KIAA0930: variants seen among roughly 807,000 people sequenced by gnomAD.
KIAA0930 encodes uncharacterized protein KIAA0930.
Under a neutral mutation model 43.9 loss-of-function variants are expected in KIAA0930, and 24 were observed. The ratio of observed to expected loss-of-function variants is 0.55; its 90% CI spans 0.40 to 0.77. The LOEUF is 0.77. Among genes scored for constraint, KIAA0930 ranks in the 30% least tolerant of loss-of-function variants. The pLI is 0.00. For missense variants in KIAA0930, 461 were observed against 574.2 expected (o/e 0.80, Z 2.02); for synonymous variants, 259 against 216.4 (o/e 1.20, Z -1.73).
chr22:45,205,971 CCTGA>C, intron 2 of KIAA0930, 59 bp from the exon 3 acceptor site: 1 of 1,597,110 alleles, frequency 6.3e-7, no homozygotes. Flanking sequence ...CTTCTTCTTC[CCTGA>C]CTACTATGCA....
In KIAA0930 at chr22:45,225,427, T is replaced by C. The variant is rs1245731236; in HGVS notation, c.65-13320A>G. ...TTGCGTGCCTAAAACCCCTGCCTGG[T>C]TTCACATCTTCCTTTGGAAGAAGTC... On this transcript the variant is annotated intron_variant, in intron 1 of 9. Coordinates refer to ENST00000336156, the MANE Select transcript of KIAA0930 (RefSeq NM_001009880.2). Among the ~76,000 whole-genome samples the C allele has an allele frequency of 2.6e-5, 4 of 152,194 alleles. No individual in the cohort carries two copies. In the East Asian group the frequency reaches 7.7e-4, roughly 29 times the overall value.
At position 45,218,227 on chromosome 22, in the gene KIAA0930, G is replaced by A. The variant is rs182729332; in HGVS notation, c.65-6120C>T. 8.0e-4 allele frequency among the ~76,000 whole-genome samples: 122 copies of A among 151,886 alleles called. 1 individual carries two copies. In the East Asian group the frequency reaches 0.017, roughly 21 times the overall value. On this transcript the variant is annotated intron_variant, in intron 1 of 9. Coordinates refer to ENST00000336156, the MANE Select transcript of KIAA0930 (RefSeq NM_001009880.2). ...GGCTGGAGTGCAATGGCACGATCTC[G>A]GCTCACTGCAACCTCAGCCTCCCAG...
intron 5 of KIAA0930, among the ~76,000 whole-genome samples, chr22:45,204,550 T>A (rs529233549): frequency 6.6e-6 from 1 of 152,268 alleles, no homozygotes; most frequent in South Asian, 2.1e-4. Context: ...GGACATGACC[T>A]CCCTGAGCCT....
chr22:45,225,836 G>A (rs1437103187), intron 1 of KIAA0930, among the ~76,000 whole-genome samples: 1 of 152,240 alleles, frequency 6.6e-6, no homozygotes, highest in Non-Finnish European at 1.5e-5. Context: ...CAAAGATCCT[G>A]AGAGGTAAGA....
In KIAA0930 at chr22:45,205,918, A is replaced by G. The variant is rs756648202; in HGVS notation, c.217-6T>C. The G allele has an allele frequency of 1.9e-6, 3 of 1,612,534 alleles. No homozygotes were observed. Among genetic ancestry groups the G allele is most frequent in the Middle Eastern group, 1.7e-4 (1 of 6,058 alleles). On this transcript the variant is annotated splice_polypyrimidine_tract_variant and splice_region_variant and intron_variant, in intron 2 of 9. Coordinates refer to ENST00000336156, the MANE Select transcript of KIAA0930 (RefSeq NM_001009880.2). ...TCCACCTCAGGCTCAGCTGCCTGCG[A>G]GGCCCAGAGCAGAAGTGAGTGCCCA...
At chr22:45,210,700 C>G (rs1210515839) in intron 2 of KIAA0930, among the ~76,000 whole-genome samples, 2 of 152,194 alleles carry the variant, frequency 1.3e-5, no homozygotes, top group East Asian at 3.8e-4. Flanking sequence ...GGTTCTTACT[C>G]GGGGATCCCA....
chr22:45,224,646 T>A (rs1267746900), intron 1 of KIAA0930, among the ~76,000 whole-genome samples: 1 of 152,064 alleles, frequency 6.6e-6, no homozygotes, highest in Non-Finnish European at 1.5e-5. Context: ...CAGACAGAAG[T>A]GAGATGGTAG....
At chr22:45,225,881 G>T (rs1330474972) in intron 1 of KIAA0930, among the ~76,000 whole-genome samples, 1 of 152,234 alleles carries the variant, frequency 6.6e-6, no homozygotes, top group Non-Finnish European at 1.5e-5. Context: ...AGGAACTTGG[G>T]GCTCAAGGCC....
At chr22:45,207,415 T>C (rs9614617) in intron 2 of KIAA0930, among the ~76,000 whole-genome samples, 3,133 of 151,338 alleles carry the variant, frequency 0.021, 42 homozygotes, top group Non-Finnish European at 0.034. Flanking sequence ...CTCTACCTCC[T>C]GGGTTCACGT....
chr22:45,205,382 C>T (rs776132711), intron 4 of KIAA0930, 64 bp from the exon 5 acceptor site: 8 of 1,454,630 alleles, frequency 5.5e-6, no homozygotes, highest in Admixed American at 3.4e-5. Flanking sequence ...CAGAGCCAGT[C>T]CAAGCCAGTA....
At chr22:45,210,249 TGA>T (rs60965853) in intron 2 of KIAA0930, among the ~76,000 whole-genome samples, 3,083 of 152,226 alleles carry the variant, frequency 0.02, 122 homozygotes, top group East Asian at 0.19. Context: ...CAGCAGAAGC[TGA>T]GAGGCCACAG....
At chr22:45,203,251 G>T in intron 6 of KIAA0930, 67 bp from the exon 7 acceptor site, 2 of 1,461,588 alleles carry the variant, frequency 1.4e-6, no homozygotes, top group South Asian at 1.3e-5. Context: ...CCCTCCCCAG[G>T]ACATGAACAG....
At chr22:45,218,630 G>A (rs2083748258) in intron 1 of KIAA0930, among the ~76,000 whole-genome samples, 1 of 152,042 alleles carries the variant, frequency 6.6e-6, no homozygotes, top group Non-Finnish European at 1.5e-5. Flanking sequence ...GATGGTGTGT[G>A]CAGGAGCTGA....
intron 1 of KIAA0930, among the ~76,000 whole-genome samples, chr22:45,228,686 C>T (rs977329420): frequency 5.3e-5 from 8 of 150,854 alleles, no homozygotes; most frequent in Non-Finnish European, 1.0e-4. Context: ...CCGGAAAGAT[C>T]CCTCTCCACC....
At chr22:45,201,310 CTGACCCTGTG>C (rs1400225409) in intron 7 of KIAA0930, among the ~76,000 whole-genome samples, 1 of 152,232 alleles carries the variant, frequency 6.6e-6, no homozygotes, top group African/African-American at 2.4e-5. Flanking sequence ...AGCCCTGCTG[CTGACCCTGTG>C]TGACCCTAGC....
At chr22:45,219,600 T>G (rs1049473209) in intron 1 of KIAA0930, among the ~76,000 whole-genome samples, 76 of 146,014 alleles carry the variant, frequency 5.2e-4, no homozygotes, top group Non-Finnish European at 6.3e-4. Context: ...TTTTTTTTTT[T>G]TTTTTTTTTT....
At chr22:45,229,758 G>A (rs1166588886) in intron 1 of KIAA0930, among the ~76,000 whole-genome samples, 1 of 152,234 alleles carries the variant, frequency 6.6e-6, no homozygotes, top group Admixed American at 6.5e-5. Flanking sequence ...GTCACCAAGG[G>A]TCTTGGACTA....
chr22:45,202,952 C>G lies in KIAA0930; in HGVS notation c.852+38G>C, dbSNP rs732373. On this transcript the variant is annotated intron_variant, in intron 7 of 9. Transcript: ENST00000336156. ...GGGAGACGGTGGAAAGTGAACTTGA[C>G]GGATGGGAGCCCCCGCCCCCAGCTG... 12 of 1,529,826 alleles carry G rather than the reference C, an allele frequency of 7.8e-6. No homozygotes were observed. The Middle Eastern group carries it at 6.9e-4, about 88-fold the overall frequency. The allele number at this position is 1,529,826 out of a possible 1,614,324, so 94.8% of individuals were successfully genotyped here.
At chr22:45,202,865 C>T (rs569645086) in intron 7 of KIAA0930, 125 bp downstream of exon 7, 33 of 796,890 alleles carry the variant, frequency 4.1e-5, no homozygotes, top group South Asian at 7.7e-5. Flanking sequence ...CTCGGCACCT[C>T]GGCCTGCGCA....
Sources: allele counts gnomAD v4.1 joint callset (sites outside exome capture counted in the v4.1 genomes callset), GRCh38; gene constraint gnomAD v4.1.1; transcripts MANE v1.5; gene names NCBI Gene and HGNC (gene_info 2026-07-23, HGNC 2026-07-21).